The following CREB5 variants were observed in gnomAD, a reference collection of about 807,000 sequenced individuals.
The protein encoded by CREB5 is cAMP responsive element binding protein 5.
A neutral mutation model predicts 57.1 loss-of-function variants in CREB5; 19 were observed. The ratio of observed to expected loss-of-function variants is 0.33; its 90% CI spans 0.23 to 0.49. The LOEUF (loss-of-function observed/expected upper bound fraction) is 0.49, where lower values mean the gene tolerates loss of function less well. Ranked by LOEUF, CREB5 falls within the 20% of genes least tolerant of loss-of-function variation. The pLI is 0.99. For missense variants in CREB5, 579 were observed against 671.6 expected, an observed-to-expected ratio of 0.86 and a Z score of 1.52; for synonymous variants, 238 against 238.3, an observed-to-expected ratio of 1.00 and a Z score of 0.01.
intron 1 of CREB5, chr7:28,435,754 T>C: frequency 6.3e-6 from 5 of 798,932 alleles, no homozygotes; most frequent in Non-Finnish European, 6.1e-6. Flanking sequence ...TAAATTACAT[T>C]TGGCTGGAAG....
At chr7:28,558,396 G>A (rs1794957196) in intron 4 of CREB5, among the ~76,000 whole-genome samples, 1 of 152,204 alleles carries the variant, frequency 6.6e-6, no homozygotes, top group Non-Finnish European at 1.5e-5. Flanking sequence ...AATTTACAAT[G>A]CAAGGCCATT....
intron 7 of CREB5, among the ~76,000 whole-genome samples, chr7:28,745,551 T>C (rs536602281): frequency 6.6e-6 from 1 of 152,334 alleles, no homozygotes; most frequent in South Asian, 2.1e-4. Flanking sequence ...CTCTCAGAAG[T>C]GTCCAGCTCT....
chr7:28,792,590 C>A (rs568672239), intron 7 of CREB5, among the ~76,000 whole-genome samples: 1 of 152,224 alleles, frequency 6.6e-6, no homozygotes, highest in Non-Finnish European at 1.5e-5. Context: ...ACACACACGG[C>A]CAGATTCTTA....
intron 1 of CREB5, among the ~76,000 whole-genome samples, chr7:28,399,017 A>C (rs904833032): frequency 3.3e-5 from 5 of 152,134 alleles, no homozygotes; most frequent in African/African-American, 1.2e-4. Flanking sequence ...CACCTGGTCT[A>C]ATATTTTTTC....
At chr7:28,453,840 A>G (rs186925751) in intron 1 of CREB5, among the ~76,000 whole-genome samples, 169 of 152,384 alleles carry the variant, frequency 1.1e-3, no homozygotes, top group African/African-American at 3.8e-3. Flanking sequence ...AAATCTTTGT[A>G]AATGAAAATG....
chr7:28,734,732 G>A lies in CREB5; in HGVS notation c.702+10400G>A, dbSNP rs527244797. Among the ~76,000 whole-genome samples the A allele has an allele frequency of 9.9e-5, 15 of 152,180 alleles. No homozygotes were observed. The South Asian group carries it at 1.0e-3, about 11-fold the overall frequency. ...AATTTCTTAAAATTTATACTAAATTGTATTTATTTCTATAATACAGGAGGA... is the reference window on the plus strand; with the variant it reads ...AATTTCTTAAAATTTATACTAAATTATATTTATTTCTATAATACAGGAGGA... On this transcript the variant is annotated intron_variant, in intron 7 of 10. Coordinates refer to ENST00000357727, the MANE Select transcript of CREB5 (RefSeq NM_182898.4).
intron 5 of CREB5, among the ~76,000 whole-genome samples, chr7:28,685,523 C>A (rs1800834340): frequency 6.6e-6 from 1 of 152,212 alleles, no homozygotes; most frequent in Non-Finnish European, 1.5e-5. Flanking sequence ...ACCCTGTCAC[C>A]TGGTTCTGAA....
At chr7:28,704,322 A>G (rs1802002084) in intron 5 of CREB5, among the ~76,000 whole-genome samples, 1 of 152,140 alleles carries the variant, frequency 6.6e-6, no homozygotes, top group Non-Finnish European at 1.5e-5. Context: ...TGTTACTTGC[A>G]CTCAGAGATC....
At chr7:28,398,662 TTAAAG>T (rs372209536) in intron 1 of CREB5, among the ~76,000 whole-genome samples, 33 of 152,284 alleles carry the variant, frequency 2.2e-4, no homozygotes, top group South Asian at 2.1e-3. Context: ...TCTCTTGAAA[TTAAAG>T]TAAATTTATG....
intron 5 of CREB5, among the ~76,000 whole-genome samples, chr7:28,689,569 A>G (rs1019122970): frequency 6.6e-6 from 1 of 152,208 alleles, no homozygotes; most frequent in Non-Finnish European, 1.5e-5. Context: ...TACTACAATC[A>G]AAATATGGAC....
At chr7:28,395,645 C>T (rs1227839152) in intron 1 of CREB5, among the ~76,000 whole-genome samples, 1 of 152,124 alleles carries the variant, frequency 6.6e-6, no homozygotes, top group African/African-American at 2.4e-5. Context: ...GGATATGCTC[C>T]AATTACAGAG....
intron 5 of CREB5, among the ~76,000 whole-genome samples, chr7:28,602,462 CA>C (rs949365764): frequency 6.6e-6 from 1 of 152,108 alleles, no homozygotes; most frequent in African/African-American, 2.4e-5. Flanking sequence ...AATGGTTAAC[CA>C]AAGTGTGGTA....
At chr7:28,690,783 C>T (rs1801209247) in intron 5 of CREB5, among the ~76,000 whole-genome samples, 1 of 152,210 alleles carries the variant, frequency 6.6e-6, no homozygotes, top group South Asian at 2.1e-4. Flanking sequence ...GCCTCCCTGA[C>T]TCTAACTGGG....
chr7:28,784,309 A>G (rs1807178056), intron 7 of CREB5, among the ~76,000 whole-genome samples: 1 of 151,466 alleles, frequency 6.6e-6, no homozygotes, highest in Non-Finnish European at 1.5e-5. Flanking sequence ...AGCCCTGATA[A>G]ATAAGCCAGC....
At chr7:28,812,810 C>T (rs958230599) in intron 9 of CREB5, among the ~76,000 whole-genome samples, 1 of 152,172 alleles carries the variant, frequency 6.6e-6, no homozygotes, top group Non-Finnish European at 1.5e-5. Context: ...TCTCTTGAGG[C>T]TGGACCAGTG....
intron 4 of CREB5, among the ~76,000 whole-genome samples, chr7:28,516,408 T>C (rs552449294): frequency 5.9e-5 from 9 of 152,268 alleles, no homozygotes; most frequent in Non-Finnish European, 1.3e-4. Context: ...TACAGCAACA[T>C]GTGGTCAGTT....
intron 3 of CREB5, among the ~76,000 whole-genome samples, chr7:28,502,809 CT>C (rs1211182999): frequency 6.6e-6 from 1 of 152,144 alleles, no homozygotes; most frequent in African/African-American, 2.4e-5. Context: ...ATTTTCCCTT[CT>C]TTTCTTTTTT....
chr7:28,681,001 C>T (rs1800561409), intron 5 of CREB5, among the ~76,000 whole-genome samples: 1 of 152,090 alleles, frequency 6.6e-6, no homozygotes, highest in Non-Finnish European at 1.5e-5. Context: ...CCCTGGGTGC[C>T]TCATGTAGGA....
At chr7:28,712,524 T>TTTTTTA (rs1554289900) in intron 5 of CREB5, among the ~76,000 whole-genome samples, 1 of 135,322 alleles carries the variant, frequency 7.4e-6, no homozygotes, top group African/African-American at 2.9e-5. Flanking sequence ...AAAAAGAGAA[T>TTTTTTA]TTATTATTAT....
Sources: allele counts gnomAD v4.1 joint callset (sites outside exome capture counted in the v4.1 genomes callset), GRCh38; gene constraint gnomAD v4.1.1; transcripts MANE v1.5; gene names NCBI Gene and HGNC (gene_info 2026-07-23, HGNC 2026-07-21).